The following RIC3 variants were observed in gnomAD, a reference collection of about 807,000 sequenced individuals.
RIC3 encodes protein RIC-3.
RIC3 carries 28 observed loss-of-function variants against 27.3 expected under a neutral mutation model. That is an observed-to-expected ratio of 1.02 (90% CI 0.76 to 1.41). The LOEUF is 1.41. RIC3 is among the 40% of genes most tolerant of loss of function. The pLI is 0.00. For synonymous variants in RIC3, 184 were observed against 160.4 expected, an observed-to-expected ratio of 1.15 and a Z score of -1.11; for missense variants, 501 against 444.7, an observed-to-expected ratio of 1.13 and a Z score of -1.14.
intron 4 of RIC3, 93 bp downstream of exon 4, chr11:8,137,285 A>G: frequency 9.1e-7 from 1 of 1,095,546 alleles, no homozygotes; most frequent in Non-Finnish European, 1.4e-6. Flanking sequence ...CGGCCTCCCA[A>G]AGTGCTGGGA....
chr11:8,145,944 T>A lies in RIC3; in HGVS notation c.125-5751A>T, dbSNP rs534974641. Among the ~76,000 whole-genome samples the A allele has an allele frequency of 3.3e-5, 5 of 152,350 alleles. No individual in the cohort carries two copies. The East Asian group carries it at 7.7e-4, about 23-fold the overall frequency. On this transcript the variant is annotated intron_variant, in intron 1 of 5. Coordinates refer to ENST00000309737, the MANE Select transcript of RIC3 (RefSeq NM_001206671.4). ...ATCCTCATGCACTGTGGGTAAGTGA[T>A]ACAGATATTCTGCCTAGTGATCTGG...
chr11:8,105,127 C>A (rs1366799534), downstream of RIC3: 1 of 152,180 alleles, frequency 6.6e-6, no homozygotes, highest in Non-Finnish European at 1.5e-5. Context: ...TATGCAAGCA[C>A]AAATTTCATC....
rs967097555 is a variant in RIC3, at chr11:8,107,801, G to GCTAA, written c.*2893_*2896dup. On this transcript the variant is annotated 3_prime_UTR_variant, in exon 6 of 6. Transcript: ENST00000309737. Reference sequence around the variant, plus strand: ...CCCAGATTATGCAGTTGTTTTGTGAGCTAACTGTCCATAAAGGTATGACTT... The same window carrying GCTAA: ...CCCAGATTATGCAGTTGTTTTGTGAGCTAACTAACTGTCCATAAAGGTATGACTT... 3.9e-5 allele frequency: 6 copies of GCTAA among 152,282 alleles called. No homozygotes were observed. Among genetic ancestry groups the GCTAA allele is most frequent in the South Asian group, 2.1e-4 (1 of 4,822 alleles). The allele number at this position is 152,282 out of a possible 1,614,324, so 9.4% of individuals were successfully genotyped here.
chr11:8,110,613 T>G lies in RIC3; in HGVS notation c.*85A>C. 8.4e-7 allele frequency: 1 copy of G among 1,192,680 alleles called. No individual in the cohort carries two copies. Among genetic ancestry groups the G allele is most frequent in the Non-Finnish European group, 1.2e-6 (1 of 802,182 alleles). 73.9% of individuals were successfully genotyped at this position (1,192,680 alleles called of 1,614,324 possible). On this transcript the variant is annotated 3_prime_UTR_variant, in exon 6 of 6. Coordinates refer to ENST00000309737, the MANE Select transcript of RIC3 (RefSeq NM_001206671.4). ...TGACACTTGAACACAGTGAAGAAAGTGCAGGGCACAGGGCCAAGAAGGAAA... is the reference window on the plus strand; with the variant it reads ...TGACACTTGAACACAGTGAAGAAAGGGCAGGGCACAGGGCCAAGAAGGAAA...
intron 5 of RIC3, among the ~76,000 whole-genome samples, chr11:8,122,546 A>G (rs774577802): frequency 6.6e-6 from 1 of 152,140 alleles, no homozygotes; most frequent in Non-Finnish European, 1.5e-5. Flanking sequence ...TGCTATAAAT[A>G]TTCACAAAGA....
At chr11:8,115,901 A>G (rs1945814352) in intron 5 of RIC3, among the ~76,000 whole-genome samples, 1 of 152,218 alleles carries the variant, frequency 6.6e-6, no homozygotes, top group African/African-American at 2.4e-5. Context: ...AACAATTCTA[A>G]AATTCATATG....
chr11:8,096,836 T>C, the RIC3 span: 15 of 1,612,624 alleles, frequency 9.3e-6, no homozygotes, highest in South Asian at 1.5e-4. Flanking sequence ...TCCACAGCAG[T>C]TTTTGGAGGA....
Position 8,169,000 on chromosome 11 carries a change from G to C in RIC3, c.-11C>G, listed in dbSNP as rs756873695. 3.8e-6 allele frequency: 6 copies of C among 1,563,090 alleles called. No homozygotes were observed. Among genetic ancestry groups the C allele is most frequent in the South Asian group, 2.4e-5 (2 of 85,000 alleles). ...TGTGGAGTACGCCATGACTGCTCACGGTGGTCGCAGGTGCAGACGCCAGCC... is the reference window on the plus strand; with the variant it reads ...TGTGGAGTACGCCATGACTGCTCACCGTGGTCGCAGGTGCAGACGCCAGCC... On this transcript the variant is annotated 5_prime_UTR_variant, in exon 1 of 6. Transcript: ENST00000309737.
the RIC3 span, chr11:8,098,764 C>T: frequency 6.2e-7 from 1 of 1,613,660 alleles, no homozygotes; most frequent in Admixed American, 1.7e-5. Flanking sequence ...TCAGGTCCAA[C>T]TTGATGGGCA....
chr11:8,095,631 C>A, the RIC3 span: 5 of 1,608,446 alleles, frequency 3.1e-6, no homozygotes, highest in African/African-American at 1.3e-5. Flanking sequence ...AACGGCCCAG[C>A]GGGCAGGATC....
At chr11:8,155,292 C>T (rs1950569714) in intron 1 of RIC3, among the ~76,000 whole-genome samples, 4 of 151,248 alleles carry the variant, frequency 2.6e-5, no homozygotes, top group South Asian at 4.2e-4. Context: ...TCAATGGATT[C>T]TGGCCAGGTG....
chr11:8,096,844 G>A, the RIC3 span: 3 of 1,607,982 alleles, frequency 1.9e-6, no homozygotes, highest in Non-Finnish European at 1.7e-6. Flanking sequence ...AGTTTTTGGA[G>A]GACTGCTCAT....
At chr11:8,151,122 A>G (rs867846435) in intron 1 of RIC3, among the ~76,000 whole-genome samples, 14 of 152,328 alleles carry the variant, frequency 9.2e-5, no homozygotes, top group Admixed American at 5.2e-4. Flanking sequence ...ACAAACAACA[A>G]AACAAAAGGT....
chr11:8,154,673 G>A (rs376230501), intron 1 of RIC3, among the ~76,000 whole-genome samples: 1 of 151,816 alleles, frequency 6.6e-6, no homozygotes, highest in African/African-American at 2.4e-5. Flanking sequence ...TTTTTCTGCT[G>A]ATAAACATTT....
At chr11:8,112,467 G>C (rs927118579) in intron 5 of RIC3, among the ~76,000 whole-genome samples, 2 of 151,804 alleles carry the variant, frequency 1.3e-5, no homozygotes, top group Non-Finnish European at 1.5e-5. Context: ...CTAATTTTTT[G>C]TATTTTTAGC....
At chr11:8,163,753 G>T (rs1017916337) in intron 1 of RIC3, among the ~76,000 whole-genome samples, 3 of 150,414 alleles carry the variant, frequency 2.0e-5, no homozygotes, top group Non-Finnish European at 4.4e-5. Context: ...TTTAATATTG[G>T]TAAGATGGCA....
intron 5 of RIC3, among the ~76,000 whole-genome samples, chr11:8,122,667 A>G (rs78548503): frequency 0.032 from 4,941 of 152,266 alleles, 267 homozygotes; most frequent in African/African-American, 0.11. Context: ...CATATAACTA[A>G]ATAATTAGCC....
downstream of RIC3, chr11:8,101,994 C>A: frequency 4.3e-6 from 1 of 233,352 alleles, no homozygotes. Flanking sequence ...GCTGCTGTGG[C>A]CCAGTCGTCC....
chr11:8,101,081 A>G (rs1944278015), downstream of RIC3: 18 of 1,485,880 alleles, frequency 1.2e-5, no homozygotes, highest in Middle Eastern at 3.5e-4. Flanking sequence ...AGCCCTGCCT[A>G]CACTGGCTAG....
Sources: allele counts gnomAD v4.1 joint callset (sites outside exome capture counted in the v4.1 genomes callset), GRCh38; gene constraint gnomAD v4.1.1; transcripts MANE v1.5; gene names NCBI Gene and HGNC (gene_info 2026-07-23, HGNC 2026-07-21).